Variants in HDAC9 observed in about 807,000 individuals in gnomAD.
HDAC9 encodes histone deacetylase 9, also known as MEF-2 interacting transcription repressor (MITR) protein.
Under a neutral mutation model 139.4 loss-of-function variants are expected in HDAC9, and 41 were observed. The observed-to-expected ratio is 0.29, with a 90% CI of 0.23 to 0.38. HDAC9 has a LOEUF of 0.38. HDAC9 is among the 10% of genes least tolerant of loss of function. HDAC9 has a pLI of 1.00. For synonymous variants in HDAC9, 517 were observed against 476.2 expected (o/e 1.09, Z -1.12); for missense variants, 1,147 against 1,297.0 (o/e 0.88, Z 1.78).
At chr7:18,462,979 G>A (rs1793976868) in intron 1 of HDAC9, among the ~76,000 whole-genome samples, 1 of 151,838 alleles carries the variant, frequency 6.6e-6, no homozygotes, top group Non-Finnish European at 1.5e-5. Context: ...AGTCCTACTG[G>A]TACTGTATGA....
At chr7:18,183,275 CT>C (rs1789639192) in intron 2 of HDAC9, among the ~76,000 whole-genome samples, 2 of 152,128 alleles carry the variant, frequency 1.3e-5, no homozygotes, top group African/African-American at 2.4e-5. Flanking sequence ...TCCCAAAGTG[CT>C]GGGATTACAG....
chr7:18,102,581 C>A (rs1313394830), intron 1 of HDAC9, among the ~76,000 whole-genome samples: 4 of 152,112 alleles, frequency 2.6e-5, no homozygotes, highest in Non-Finnish European at 4.4e-5. Context: ...AGAATAGAAT[C>A]TTGAAAAAGC....
chr7:18,536,755 A>G (rs1811045205), intron 2 of HDAC9, among the ~76,000 whole-genome samples: 1 of 152,180 alleles, frequency 6.6e-6, no homozygotes, highest in African/African-American at 2.4e-5. Flanking sequence ...AGGAAATAGG[A>G]GATTATTAAC....
intron 2 of HDAC9, among the ~76,000 whole-genome samples, chr7:18,208,721 T>A (rs867314659): frequency 3.9e-5 from 6 of 151,926 alleles, no homozygotes; most frequent in Non-Finnish European, 8.8e-5. Flanking sequence ...TGATAAGATA[T>A]AGAAAAAAAT....
At chr7:18,514,139 GTGTGTATATGCGTTGTA>G (rs1211570170) in intron 2 of HDAC9, among the ~76,000 whole-genome samples, 1 of 152,112 alleles carries the variant, frequency 6.6e-6, no homozygotes. Flanking sequence ...TTTTTCTGTG[GTGTGTATATGCGTTGTA>G]TGTGTATATG....
chr7:18,297,415 G>T (rs1339990980), intron 1 of HDAC9, among the ~76,000 whole-genome samples: 3 of 151,970 alleles, frequency 2.0e-5, no homozygotes, highest in Admixed American at 6.5e-5. Flanking sequence ...CCAATTCTTT[G>T]GTCCATGTGT....
Position 18,153,706 on chromosome 7 carries a change from C to G in HDAC9, c.-96-8523C>G, listed in dbSNP as rs1218330962. Among the ~76,000 whole-genome samples the G allele has an allele frequency of 2.6e-5, 4 of 152,168 alleles. No homozygotes were observed. The East Asian group carries it at 5.8e-4, about 22-fold the overall frequency. On this transcript the variant is annotated intron_variant, in intron 1 of 12. Coordinates refer to the HDAC9 transcript ENST00000417496. The stretch of plus-strand genomic sequence containing the variant: ...CAAATCGGCTTTAGGGTCCCTGCCT[C>G]TAGAACCTATTCTCCTGCCTCAGAT...
intron 2 of HDAC9, among the ~76,000 whole-genome samples, chr7:18,234,830 TAG>T (rs1793706636): frequency 6.6e-6 from 1 of 152,192 alleles, no homozygotes; most frequent in African/African-American, 2.4e-5. Flanking sequence ...ACAGTGATGG[TAG>T]CTTCTGAATT....
At chr7:18,794,039 C>A (rs1046732472) in intron 17 of HDAC9, among the ~76,000 whole-genome samples, 1 of 152,254 alleles carries the variant, frequency 6.6e-6, no homozygotes, top group African/African-American at 2.4e-5. Context: ...TGTCCAAACC[C>A]CAGCGTTTCC....
intron 2 of HDAC9, among the ~76,000 whole-genome samples, chr7:18,577,073 T>A (rs1405168444): frequency 6.6e-6 from 1 of 152,208 alleles, no homozygotes; most frequent in African/African-American, 2.4e-5. Context: ...CAATTAGCAT[T>A]CACAGAATAA....
chr7:18,375,447 C>T (rs1374620275), intron 1 of HDAC9, among the ~76,000 whole-genome samples: 1 of 151,620 alleles, frequency 6.6e-6, no homozygotes, highest in African/African-American at 2.4e-5. Context: ...CCAGCCTGGG[C>T]GACGGAGCTA....
intron 6 of HDAC9, among the ~76,000 whole-genome samples, chr7:18,595,376 G>A (rs1440631982): frequency 6.6e-6 from 1 of 152,032 alleles, no homozygotes; most frequent in African/African-American, 2.4e-5. Flanking sequence ...TTTCTAGGAT[G>A]AAAGAAAGCA....
intron 1 of HDAC9, among the ~76,000 whole-genome samples, chr7:18,354,433 G>A (rs192502461): frequency 8.5e-5 from 13 of 152,170 alleles, no homozygotes; most frequent in African/African-American, 2.4e-4. Flanking sequence ...TCTGCTCTAC[G>A]GTGCTTGAAA....
chr7:18,925,746 C>G (rs183431671), intron 22 of HDAC9, among the ~76,000 whole-genome samples: 7 of 151,560 alleles, frequency 4.6e-5, no homozygotes, highest in Non-Finnish European at 1.0e-4. Context: ...GAACTTCTTC[C>G]CCACACATCT....
At chr7:18,300,671 T>G (rs963855670) in intron 1 of HDAC9, among the ~76,000 whole-genome samples, 48 of 152,186 alleles carry the variant, frequency 3.2e-4, no homozygotes, top group African/African-American at 1.1e-3. Context: ...TCTTAATAAA[T>G]GTAACATTAA....
At chr7:18,791,202 G>A (rs1189518388) in intron 16 of HDAC9, among the ~76,000 whole-genome samples, 1 of 152,096 alleles carries the variant, frequency 6.6e-6, no homozygotes, top group Admixed American at 6.6e-5. Flanking sequence ...AATAAAGAAA[G>A]AAACAAAGCT....
intron 1 of HDAC9, among the ~76,000 whole-genome samples, chr7:18,139,720 T>C (rs1328365597): frequency 6.6e-6 from 1 of 152,170 alleles, no homozygotes; most frequent in Non-Finnish European, 1.5e-5. Context: ...ATTACTCTGA[T>C]TATTCTGTAT....
intron 23 of HDAC9, among the ~76,000 whole-genome samples, chr7:18,938,590 C>T (rs943234544): frequency 3.3e-5 from 5 of 151,622 alleles, no homozygotes; most frequent in Admixed American, 1.3e-4. Flanking sequence ...GGCGAGACTC[C>T]GTCTCAAAAA....
intron 2 of HDAC9, among the ~76,000 whole-genome samples, chr7:18,568,010 C>T (rs1030166717): frequency 1.0e-5 from 1 of 98,312 alleles, no homozygotes; most frequent in African/African-American, 4.5e-5. Context: ...TTTATACATA[C>T]AGGATATATG....
Sources: allele counts gnomAD v4.1 joint callset (sites outside exome capture counted in the v4.1 genomes callset), GRCh38; gene constraint gnomAD v4.1.1; transcripts MANE v1.5; gene names NCBI Gene and HGNC (gene_info 2026-07-23, HGNC 2026-07-21).